The following APPL2 variants were observed in gnomAD, a reference collection of about 807,000 sequenced individuals.
APPL2 encodes the protein DCC-interacting protein 13-beta.
A neutral mutation model predicts 92.7 loss-of-function variants in APPL2; 84 were observed. The ratio of observed to expected loss-of-function variants is 0.91; its 90% confidence interval spans 0.76 to 1.09. The LOEUF (loss-of-function observed/expected upper bound fraction) is 1.09, where lower values mean the gene tolerates loss of function less well. Among genes scored for constraint, APPL2 ranks in the 50% least tolerant of loss-of-function variants. The pLI is 0.00. For missense variants in APPL2, 736 were observed against 824.5 expected, an observed-to-expected ratio of 0.89 and a Z score of 1.31; for synonymous variants, 291 against 291.0, an observed-to-expected ratio of 1.00 and a Z score of 0.00.
rs568216566 is a variant in APPL2, at chr12:105,232,482, G to A, written c.55-3259C>T. ...ACAAAGTTCTTATCTCCATAATTTG[G>A]TGGAGGAAGAGAATGTCCTAGTGAA... On this transcript the variant is annotated intron_variant, in intron 1 of 20. Transcript: ENST00000258530. Among the ~76,000 whole-genome samples, 6 of 152,256 alleles carry A rather than the reference G, an allele frequency of 3.9e-5. No homozygotes were observed. The South Asian group carries it at 1.2e-3, about 32-fold the overall frequency.
At chr12:105,209,319 T>G (rs1889021114) in intron 5 of APPL2, among the ~76,000 whole-genome samples, 1 of 152,166 alleles carries the variant, frequency 6.6e-6, no homozygotes, top group African/African-American at 2.4e-5. Flanking sequence ...AGTGAGGTCC[T>G]GATGGCATCA....
At chr12:105,196,374 C>G in intron 11 of APPL2, among the ~76,000 whole-genome samples, 1 of 150,650 alleles carries the variant, frequency 6.6e-6, no homozygotes, top group East Asian at 2.0e-4. Context: ...GTATGGAGGC[C>G]CGGGAATAAG....
intron 9 of APPL2, among the ~76,000 whole-genome samples, chr12:105,200,086 G>A (rs1469087615): frequency 2.0e-5 from 3 of 151,618 alleles, no homozygotes; most frequent in East Asian, 1.9e-4. Flanking sequence ...CGCCTGCCTC[G>A]GCCTCCCAAA....
rs755374676 is a variant in APPL2 at position 105,195,392 on chromosome 12, C to T, written c.1153-43G>A. The T allele has an allele frequency of 1.1e-5, 17 of 1,614,046 alleles. 1 individual carries two copies. In the East Asian group the frequency reaches 2.0e-4, roughly 19 times the overall value. On this transcript the variant is annotated intron_variant, in intron 13 of 20. Transcript: ENST00000258530. Reference sequence around the variant, plus strand: ...GACACACTCAGTCCCAGGAGGTGGACGCTTACCTTCCAGGTTGAGAAAAGG... The same window carrying T: ...GACACACTCAGTCCCAGGAGGTGGATGCTTACCTTCCAGGTTGAGAAAAGG...
rs1046435024 is a variant in APPL2 at position 105,203,744 on chromosome 12, AC to A, written c.662del (p.Arg221LeufsTer18). 6.2e-7 allele frequency: 1 copy of A among 1,614,228 alleles called. No individual in the cohort carries two copies. Among genetic ancestry groups the A allele is most frequent in the Non-Finnish European group, 8.5e-7 (1 of 1,180,016 alleles). On this transcript the variant is annotated frameshift_variant, in exon 9 of 21. Coordinates refer to ENST00000258530, the MANE Select transcript of APPL2 (RefSeq NM_018171.5). LOFTEE classifies it high-confidence loss of function. ...FKKGAEMFSK[R>X]MDSFLSSVAD... ...CAACGGAGGATAAAAAGCTGTCCAT[AC>A]GTTTGGAAAACATCTCTGCTCCCTT...
chr12:105,212,074 G>A (rs902129494), intron 4 of APPL2, among the ~76,000 whole-genome samples: 7 of 124,640 alleles, frequency 5.6e-5, no homozygotes, highest in Non-Finnish European at 1.6e-5. Context: ...AGCCGAGATC[G>A]CACCACTGCA....
intron 8 of APPL2, 44 bp downstream of exon 8, chr12:105,207,017 C>T (rs1386899511): frequency 6.3e-7 from 1 of 1,595,848 alleles, no homozygotes; most frequent in Admixed American, 1.8e-5. Context: ...AGCAGAACGC[C>T]ACAGCTAGCT....
chr12:105,186,627 C>CATATATATGATATCTATATCAT (rs369194401), intron 17 of APPL2, among the ~76,000 whole-genome samples: 2 of 100,292 alleles, frequency 2.0e-5, no homozygotes, highest in Admixed American at 9.6e-5. Context: ...ATATATATAT[C>CATATATATGATATCTATATCAT]ATATATATCA....
At chr12:105,204,588 GGA>G (rs1165564936) in intron 8 of APPL2, among the ~76,000 whole-genome samples, 1 of 152,144 alleles carries the variant, frequency 6.6e-6, no homozygotes, top group Non-Finnish European at 1.5e-5. Context: ...GATCACCACT[GGA>G]AATGCCATTT....
At chr12:105,213,057 A>G (rs559410747) in intron 4 of APPL2, among the ~76,000 whole-genome samples, 11 of 152,376 alleles carry the variant, frequency 7.2e-5, no homozygotes, top group Admixed American at 2.0e-4. Context: ...TTAACAGTTA[A>G]CAGGCTCTGT....
intron 14 of APPL2, among the ~76,000 whole-genome samples, chr12:105,193,843 T>C (rs1343822058): frequency 1.3e-5 from 2 of 152,250 alleles, no homozygotes; most frequent in African/African-American, 2.4e-5. Context: ...TTTATCCTAC[T>C]CAGGTACAGA....
At chr12:105,223,224 A>C (rs1336180573) in intron 2 of APPL2, among the ~76,000 whole-genome samples, 1 of 152,236 alleles carries the variant, frequency 6.6e-6, no homozygotes, top group Non-Finnish European at 1.5e-5. Context: ...CAGGAACTGC[A>C]ATCGCCCAGG....
At chr12:105,226,415 T>C (rs1890508641) in intron 2 of APPL2, among the ~76,000 whole-genome samples, 1 of 152,094 alleles carries the variant, frequency 6.6e-6, no homozygotes, top group Admixed American at 6.5e-5. Context: ...AGAACCCACG[T>C]GATGATCATA....
At chr12:105,209,239 G>A (rs1055221571) in intron 5 of APPL2, among the ~76,000 whole-genome samples, 2 of 152,154 alleles carry the variant, frequency 1.3e-5, no homozygotes, top group African/African-American at 4.8e-5. Context: ...CACTGTCTAG[G>A]CAGAGGGGAG....
chr12:105,207,639 T>C (rs1888847126), intron 7 of APPL2, among the ~76,000 whole-genome samples: 1 of 152,086 alleles, frequency 6.6e-6, no homozygotes, highest in Non-Finnish European at 1.5e-5. Flanking sequence ...CTAGAAAGCA[T>C]GGGTTAAAGA....
intron 11 of APPL2, among the ~76,000 whole-genome samples, chr12:105,197,507 C>T (rs1262879408): frequency 2.0e-5 from 3 of 152,262 alleles, no homozygotes; most frequent in Non-Finnish European, 4.4e-5. Flanking sequence ...TGCTGTCTCA[C>T]ACACGTAGGT....
chr12:105,211,300 T>C lies in APPL2; in HGVS notation c.303A>G (p.Thr101=). Residue 101 remains threonine (T), a synonymous_variant, in exon 5 of 21, where the codon ACA becomes ACG. Transcript: ENST00000258530. ...TGTCTGCCAACTGTTTAGCCAGCTC[T>C]GTATGGAGAAGATTAAGCTGAAAGA... ...KVVDELNLLH[T]ELAKQLADTM... is the part of the protein sequence containing the mutation. 1 of 1,612,772 alleles carries C rather than the reference T, an allele frequency of 6.2e-7. No individual in the cohort carries two copies. Among genetic ancestry groups the C allele is most frequent in the Non-Finnish European group, 8.5e-7 (1 of 1,178,756 alleles).
intron 14 of APPL2, among the ~76,000 whole-genome samples, chr12:105,194,031 G>A (rs922060708): frequency 2.6e-5 from 4 of 152,100 alleles, no homozygotes; most frequent in South Asian, 4.1e-4. Flanking sequence ...GCATGTGAAC[G>A]CTGGCTCCAC....
At chr12:105,231,779 C>T (rs1229294838) in intron 1 of APPL2, among the ~76,000 whole-genome samples, 1 of 152,224 alleles carries the variant, frequency 6.6e-6, no homozygotes, top group African/African-American at 2.4e-5. Flanking sequence ...CCCATTAGAA[C>T]TGACAGGGAA....
Sources: allele counts gnomAD v4.1 joint callset (sites outside exome capture counted in the v4.1 genomes callset), GRCh38; gene constraint gnomAD v4.1.1; transcripts MANE v1.5; gene names NCBI Gene and HGNC (gene_info 2026-07-23, HGNC 2026-07-21).